The following KANTR variants were observed in gnomAD, a reference collection of about 807,000 sequenced individuals.
KANTR encodes the protein KDM5C adjacent transcript.
At chrX:53,108,448 C>T (rs1453684847) in intron 2 of KANTR, among the ~76,000 whole-genome samples, 1 of 111,002 alleles carries the variant, frequency 9.0e-6, no homozygotes, top group African/African-American at 3.3e-5. Context: ...GTAATCCACC[C>T]GACCTCAGCC....
At chrX:53,133,969 A>G (rs782077572) in intron 2 of KANTR, among the ~76,000 whole-genome samples, 1 of 111,703 alleles carries the variant, frequency 9.0e-6, no homozygotes, top group Non-Finnish European at 1.9e-5. Context: ...TCTTCACCTA[A>G]TTGTAGCAAT....
intron 2 of KANTR, among the ~76,000 whole-genome samples, chrX:53,101,992 C>T (rs1448287106): frequency 9.5e-6 from 1 of 104,769 alleles, no homozygotes; most frequent in Non-Finnish European, 2.0e-5. Context: ...AGGAGTGAAA[C>T]CCTGTCTCAA....
At chrX:53,144,214 G>A (rs782298310), downstream of KANTR, among the ~76,000 whole-genome samples, 2 of 111,287 alleles carry the variant, frequency 1.8e-5, no homozygotes, top group South Asian at 7.5e-4. Context: ...GGGAAACATG[G>A]CGAAACCCCA....
intron 1 of KANTR, among the ~76,000 whole-genome samples, chrX:53,097,210 C>T (rs1932850731): frequency 9.0e-6 from 1 of 111,227 alleles, no homozygotes; most frequent in Non-Finnish European, 1.9e-5. Flanking sequence ...TTTCCCTGAA[C>T]ACTCTGTCCT....
intron 2 of KANTR, among the ~76,000 whole-genome samples, chrX:53,117,607 G>T (rs199727613): frequency 1.2e-4 from 4 of 34,522 alleles, no homozygotes; most frequent in Admixed American, 4.7e-4. Flanking sequence ...GTGTGTGTGT[G>T]TGTTTTTTTT....
At position 53,105,455 on chromosome X, in the gene KANTR, T is replaced by G. The variant is rs182070382; in HGVS notation, c.-805+5847T>G. On this transcript the variant is annotated intron_variant, in intron 2 of 2. Transcript: ENST00000604062. ...TTCAAATTCTTAGCCCATTTTTAATTGGATTATGTGTCTTTTTATTATTGA... is the reference window on the plus strand; with the variant it reads ...TTCAAATTCTTAGCCCATTTTTAATGGGATTATGTGTCTTTTTATTATTGA... Among the ~76,000 whole-genome samples, 62 of 108,380 alleles carry G rather than the reference T, an allele frequency of 5.7e-4. 1 individual carries two copies. The highest frequency in any genetic ancestry group is 1.9e-3 in the African/African-American group (57 of 30,058). 94.1% of individuals were successfully genotyped at this position (108,380 alleles called of 115,157 possible).
chrX:53,123,083 T>C (rs1556815739), intron 2 of KANTR, among the ~76,000 whole-genome samples: 1 of 111,909 alleles, frequency 8.9e-6, no homozygotes, highest in Non-Finnish European at 1.9e-5. Context: ...AATTAAAATA[T>C]TTTCAAAATT....
intron 2 of KANTR, among the ~76,000 whole-genome samples, chrX:53,136,690 C>T (rs1382465520): frequency 7.0e-5 from 1 of 14,293 alleles, no homozygotes; most frequent in African/African-American, 1.2e-4. Flanking sequence ...CTACCACGCC[C>T]GGCATATATA....
At chrX:53,136,724 A>G (rs1318427095) in intron 2 of KANTR, among the ~76,000 whole-genome samples, 1 of 41,464 alleles carries the variant, frequency 2.4e-5, no homozygotes, top group Non-Finnish European at 4.8e-5. Flanking sequence ...ATATATATAT[A>G]TATATATTTT....
At chrX:53,127,471 G>A (rs182202815), downstream of KANTR, 2 of 112,172 alleles carry the variant, frequency 1.8e-5, no homozygotes, top group East Asian at 5.6e-4. Context: ...GATTAATGTG[G>A]AGGATAGAGA....
chrX:53,130,668 T>TGG (rs1933350142), downstream of KANTR, among the ~76,000 whole-genome samples: 1 of 112,150 alleles, frequency 8.9e-6, no homozygotes. Context: ...AAGCACTGTA[T>TGG]ATGTGTTTGC....
At position 53,142,004 on chromosome X, in the gene KANTR, C is replaced by T. The variant is rs1221596362; in HGVS notation, n.360C>T. On this transcript the variant is annotated non_coding_transcript_exon_variant, in exon 3 of 3. Coordinates refer to the KANTR transcript ENST00000366185. Reference sequence around the variant, plus strand: ...AAACAACTGGTTCAGGAGCCCTTGCCAGCCTCTAGAGAAATCCCAGAACAC... The same window carrying T: ...AAACAACTGGTTCAGGAGCCCTTGCTAGCCTCTAGAGAAATCCCAGAACAC... 47 of 201,002 alleles carry T rather than the reference C, an allele frequency of 2.3e-4. 1 individual carries two copies. Among genetic ancestry groups the T allele is most frequent in the Admixed American group, 1.3e-3 (15 of 11,547 alleles). 16.6% of individuals were successfully genotyped at this position (201,002 alleles called of 1,213,427 possible).
downstream of KANTR, among the ~76,000 whole-genome samples, chrX:53,132,080 A>G (rs1468511908): frequency 2.7e-5 from 3 of 112,516 alleles, no homozygotes; most frequent in Admixed American, 9.4e-5. Context: ...TGGAAGACCT[A>G]TACACTTGTA....
chrX:53,096,133 T>C (rs1168004712), intron 1 of KANTR, among the ~76,000 whole-genome samples: 7 of 111,388 alleles, frequency 6.3e-5, no homozygotes, highest in African/African-American at 2.3e-4. Context: ...TCCCCTAATA[T>C]GCCCCTGCTC....
intron 2 of KANTR, among the ~76,000 whole-genome samples, chrX:53,136,172 A>G (rs1556817582): frequency 9.0e-6 from 1 of 111,590 alleles, no homozygotes; most frequent in African/African-American, 3.3e-5. Flanking sequence ...TCTCTGTCTC[A>G]GGACATCCCA....
downstream of KANTR, among the ~76,000 whole-genome samples, chrX:53,131,058 T>G (rs183675376): frequency 3.6e-5 from 4 of 111,545 alleles, no homozygotes; most frequent in African/African-American, 1.3e-4. Context: ...TGAAGATGGC[T>G]CTTCAGGTTG....
chrX:53,130,844 G>A (rs1369829899), downstream of KANTR, among the ~76,000 whole-genome samples: 3 of 111,390 alleles, frequency 2.7e-5, no homozygotes, highest in African/African-American at 9.8e-5. Flanking sequence ...TGTTATTTGG[G>A]CATCTTAGAG....
chrX:53,132,083 C>G (rs1248281087), downstream of KANTR, among the ~76,000 whole-genome samples: 19 of 112,222 alleles, frequency 1.7e-4, no homozygotes, highest in Non-Finnish European at 5.6e-5. Context: ...AAGACCTATA[C>G]ACTTGTATTG....
At chrX:53,112,706 A>G (rs937248629) in intron 2 of KANTR, among the ~76,000 whole-genome samples, 17 of 110,884 alleles carry the variant, frequency 1.5e-4, no homozygotes, top group Non-Finnish European at 3.2e-4. Flanking sequence ...ATGTTTCTGT[A>G]TAGTCTTGTT....
Sources: gnomAD v4.1 joint callset for allele counts (sites outside exome capture counted in the v4.1 genomes callset) on GRCh38, gnomAD v4.1.1 for gene constraint, MANE v1.5 for transcripts, NCBI Gene and HGNC (gene_info 2026-07-23, HGNC 2026-07-21) for gene names.